Variants in SYTL2 observed in about 807,000 individuals in gnomAD.
SYTL2 encodes synaptotagmin-like protein 2.
SYTL2 carries 165 observed loss-of-function variants against 198.7 expected under a neutral mutation model. That is an observed-to-expected ratio of 0.83 (90% CI 0.73 to 0.94). The LOEUF (loss-of-function observed/expected upper bound fraction) is 0.94. Among genes scored for constraint, SYTL2 ranks in the 40% least tolerant of loss-of-function variants. The pLI is 0.00. For missense variants in SYTL2, 2,835 were observed against 2,582.8 expected, an observed-to-expected ratio of 1.10 and a Z score of -2.12; for synonymous variants, 966 against 917.7, an observed-to-expected ratio of 1.05 and a Z score of -0.95.
the SYTL2 span, among the ~76,000 whole-genome samples, chr11:85,828,216 G>A: frequency 0.015 from 2,326 of 152,142 alleles, 46 homozygotes; most frequent in African/African-American, 0.051. Flanking sequence ...GACTTATCTG[G>A]CAGAAAAATG....
At chr11:85,714,265 A>T in intron 12 of SYTL2, 148 bp downstream of exon 12, 1 of 618,370 alleles carries the variant, frequency 1.6e-6, no homozygotes, top group Non-Finnish European at 2.8e-6. Flanking sequence ...CAGGATGAAC[A>T]ACACTACTTC....
rs2092007799 is a variant in SYTL2 at position 85,759,108 on chromosome 11, T to A, written c.-389-994A>T. Among the ~76,000 whole-genome samples, 3 of 151,804 alleles carry A rather than the reference T, an allele frequency of 2.0e-5. No individual in the cohort carries two copies. The East Asian group carries it at 5.8e-4, about 29-fold the overall frequency. On this transcript the variant is annotated intron_variant, in intron 1 of 19. Transcript: ENST00000359152. Reference sequence around the variant, plus strand: ...AAAAAATACAAAAATTAGCTGGGTGTGGTGACACACGCCTGTAATCCCAGC... The same window carrying A: ...AAAAAATACAAAAATTAGCTGGGTGAGGTGACACACGCCTGTAATCCCAGC...
chr11:85,753,510 T>C (rs1409365570), intron 2 of SYTL2, among the ~76,000 whole-genome samples: 2 of 152,162 alleles, frequency 1.3e-5, no homozygotes, highest in African/African-American at 2.4e-5. Flanking sequence ...TACGAGTCCA[T>C]GTTCTACCAT....
At position 85,725,094 on chromosome 11, in the gene SYTL2, T is replaced by A. The variant is rs769863140; in HGVS notation, c.4264A>T (p.Thr1422Ser). Residue 1422 changes from threonine (T) to serine (S), a missense_variant, in exon 8 of 20, where the codon ACG (threonine) becomes TCG (serine). By Grantham distance (58) the Thr-to-Ser change is moderately conservative (BLOSUM62 1). Transcript: ENST00000359152. Reference protein sequence around the residue: ...NPPGVISPWATMDTIVPDRKD... With the variant: ...NPPGVISPWASMDTIVPDRKD... ...CTGTCTGGAACTATGGTGTCCATCG[T>A]AGCCCATGGTGATATCACTCCTGGA... The A allele has an allele frequency of 6.2e-7, 1 of 1,614,174 alleles. No homozygotes were observed. Among genetic ancestry groups the A allele is most frequent in the African/African-American group, 1.3e-5 (1 of 75,054 alleles).
At chr11:85,809,810 G>T (rs1038900821) in intron 1 of SYTL2, among the ~76,000 whole-genome samples, 3 of 152,140 alleles carry the variant, frequency 2.0e-5, no homozygotes, top group Non-Finnish European at 2.9e-5. Flanking sequence ...GCTCTTGATG[G>T]GTTCTGCAAT....
Position 85,694,740 on chromosome 11 carries a change from C to T in SYTL2, c.*455G>A, listed in dbSNP as rs1166709807. 1 of 151,308 alleles carries T rather than the reference C, an allele frequency of 6.6e-6. No homozygotes were observed. The highest frequency in any genetic ancestry group is 2.4e-5 in the African/African-American group (1 of 41,070). The allele number at this position is 151,308 out of a possible 1,614,324, so 9.4% of individuals were successfully genotyped here. A position where few individuals can be genotyped will look rare whatever the true frequency, so the allele number is the denominator to read the frequency against. On this transcript the variant is annotated 3_prime_UTR_variant, in exon 20 of 20. Coordinates refer to ENST00000359152, the MANE Select transcript of SYTL2 (RefSeq NM_206927.4). ...TTTTTTTTTTTATCATCACTGATGT[C>T]TGTCTCCATTCCCTGCTCCACTTTG...
chr11:85,847,586 C>A, the SYTL2 span, among the ~76,000 whole-genome samples: 2,967 of 152,218 alleles, frequency 0.019, 104 homozygotes, highest in African/African-American at 0.066. Context: ...GTTTTTCCAT[C>A]AGGAATATAT....
At chr11:85,852,770 G>A in the SYTL2 span, 94 of 241,000 alleles carry the variant, frequency 3.9e-4, no homozygotes, top group Non-Finnish European at 1.8e-4. Context: ...AAAGTGCCAA[G>A]ATTGCAGCCT....
At chr11:85,797,543 A>G (rs1400473185) in intron 1 of SYTL2, among the ~76,000 whole-genome samples, 1 of 151,560 alleles carries the variant, frequency 6.6e-6, no homozygotes, top group Non-Finnish European at 1.5e-5. Flanking sequence ...CACAAGAATC[A>G]TTTGAACCTA....
intron 2 of SYTL2, among the ~76,000 whole-genome samples, chr11:85,750,517 T>C (rs1235796458): frequency 6.6e-6 from 1 of 152,176 alleles, no homozygotes; most frequent in Non-Finnish European, 1.5e-5. Context: ...GTCCTTACTA[T>C]ATCATATTCC....
the SYTL2 span, among the ~76,000 whole-genome samples, chr11:85,833,080 AAAG>A: frequency 1.7e-5 from 1 of 57,266 alleles, no homozygotes; most frequent in Non-Finnish European, 3.9e-5. Flanking sequence ...AGAAAGAAAG[AAAG>A]AAAGAAAGAA....
At chr11:85,749,820 A>G (rs1246982681) in intron 2 of SYTL2, among the ~76,000 whole-genome samples, 2 of 152,240 alleles carry the variant, frequency 1.3e-5, no homozygotes, top group African/African-American at 2.4e-5. Context: ...GTTTGAGTTC[A>G]ATTCCAGAAT....
At chr11:85,808,963 A>C (rs746808109) in intron 1 of SYTL2, among the ~76,000 whole-genome samples, 10 of 152,046 alleles carry the variant, frequency 6.6e-5, no homozygotes. Context: ...ACAAGCAAAC[A>C]TATTTCCAGG....
intron 4 of SYTL2, among the ~76,000 whole-genome samples, chr11:85,738,623 A>C (rs1449594520): frequency 6.6e-6 from 1 of 152,202 alleles, no homozygotes; most frequent in East Asian, 1.9e-4. Flanking sequence ...CTATATAATA[A>C]AAACAACCAA....
At chr11:85,843,926 T>C in the SYTL2 span, among the ~76,000 whole-genome samples, 2 of 152,220 alleles carry the variant, frequency 1.3e-5, no homozygotes, top group South Asian at 4.1e-4. Flanking sequence ...CCCAAGTTCA[T>C]GTTCTTAAAC....
At chr11:85,745,841 C>A in intron 3 of SYTL2, 69 bp from the exon 4 acceptor site, 1 of 1,495,600 alleles carries the variant, frequency 6.7e-7, no homozygotes, top group South Asian at 1.3e-5. Flanking sequence ...CTCTTATCAG[C>A]TCTTATCACT....
Position 85,737,664 on chromosome 11 carries a change from A to G in SYTL2, c.390-8T>C. On this transcript the variant is annotated splice_region_variant and splice_polypyrimidine_tract_variant and intron_variant, in intron 4 of 19. Transcript: ENST00000359152. ...GGATTTACCACACTGGAACTGCAAA[A>G]GAAACAATAATTCAGAGAATAAAAC... The G allele has an allele frequency of 6.2e-7, 1 of 1,609,734 alleles. No homozygotes were observed. Among genetic ancestry groups the G allele is most frequent in the Non-Finnish European group, 8.5e-7 (1 of 1,176,346 alleles).
In SYTL2 at chr11:85,707,509, G is replaced by A. The variant is rs375886817; in HGVS notation, c.5938C>T (p.Pro1980Ser). 143 of 1,612,502 alleles carry A rather than the reference G, an allele frequency of 8.9e-5. No homozygotes were observed. The highest frequency in any genetic ancestry group is 1.2e-4 in the Non-Finnish European group (139 of 1,178,942). ...TTCTTGCCCATTTTGCCTTTGTCTGGTAGCAAATAGGCCTTTACATATCTG... is the reference window on the plus strand; with the variant it reads ...TTCTTGCCCATTTTGCCTTTGTCTGATAGCAAATAGGCCTTTACATATCTG... ...SDPYVKAYLLPDKGKMGKKKT... is the reference protein window; with the variant it reads ...SDPYVKAYLLSDKGKMGKKKT... Residue 1980 changes from proline to serine, a missense_variant, in exon 15 of 20, where the codon CCA becomes TCA. Pro to Ser is a moderately conservative substitution (Grantham distance 74, BLOSUM62 -1). Around this residue, in one of 3 missense-constraint regions of SYTL2, gnomAD observed 2,645 missense variants for 2,381.7 expected, o/e 1.11. Coordinates refer to ENST00000359152, the MANE Select transcript of SYTL2 (RefSeq NM_206927.4).
upstream of SYTL2, among the ~76,000 whole-genome samples, chr11:85,813,408 T>G (rs939972243): frequency 6.6e-6 from 1 of 152,152 alleles, no homozygotes; most frequent in African/African-American, 2.4e-5. Context: ...GCACATACAG[T>G]GCACTGAAAA....
Sources: allele counts gnomAD v4.1 joint callset (sites outside exome capture counted in the v4.1 genomes callset), GRCh38; gene constraint gnomAD v4.1.1; regional missense constraint gnomAD v4.1.1; transcripts MANE v1.5; gene names NCBI Gene and HGNC (gene_info 2026-07-23, HGNC 2026-07-21).